The following HDX variants were observed in gnomAD, a reference collection of about 807,000 sequenced individuals.
The protein encoded by HDX is highly divergent homeobox.
A neutral mutation model predicts 45.2 loss-of-function variants in HDX; 19 were observed. The ratio of observed to expected loss-of-function variants is 0.42; its 90% CI spans 0.29 to 0.62. HDX has a LOEUF of 0.62. HDX is among the 20% of genes least tolerant of loss of function. The probability of loss-of-function intolerance (pLI) is 0.20; values close to 1 mark genes in which losing one functional copy is unlikely to be tolerated. For missense variants in HDX, 532 were observed against 493.9 expected (o/e 1.08, Z -0.73); for synonymous variants, 188 against 172.8 (o/e 1.09, Z -0.69).
chrX:84,380,203 T>A (rs1220462613), intron 5 of HDX, among the ~76,000 whole-genome samples: 1 of 106,787 alleles, frequency 9.4e-6, no homozygotes, highest in East Asian at 3.1e-4. Context: ...CAATAACAAG[T>A]AACGGGATCA....
At chrX:84,381,934 T>C (rs1215515632) in intron 5 of HDX, among the ~76,000 whole-genome samples, 1 of 110,984 alleles carries the variant, frequency 9.0e-6, no homozygotes, top group African/African-American at 3.3e-5. Flanking sequence ...GGAGCAAATA[T>C]TTGCAAATTG....
chrX:84,352,036 A>G (rs1478540477), intron 6 of HDX, among the ~76,000 whole-genome samples: 1 of 112,241 alleles, frequency 8.9e-6, no homozygotes, highest in Non-Finnish European at 1.9e-5. Context: ...TTTCAGCTGT[A>G]AATTTGATTA....
At chrX:84,414,310 G>A (rs1030438352) in intron 5 of HDX, among the ~76,000 whole-genome samples, 8 of 111,172 alleles carry the variant, frequency 7.2e-5, no homozygotes, top group African/African-American at 3.3e-5. Context: ...CCCAACATGC[G>A]CATTCCAGTG....
intron 6 of HDX, among the ~76,000 whole-genome samples, chrX:84,354,827 G>C (rs2037436122): frequency 9.6e-6 from 1 of 104,069 alleles, no homozygotes; most frequent in South Asian, 4.4e-4. Flanking sequence ...TTTTTAAGAA[G>C]TATCCAAGTT....
In HDX at chrX:84,478,800, A is replaced by C. The variant is rs780600861; in HGVS notation, c.1-3403T>G. On this transcript the variant is annotated intron_variant, in intron 2 of 10. Coordinates refer to ENST00000373177, the MANE Select transcript of HDX (RefSeq NM_001177479.2). ...CTTGAACCCAGGAGTTCGAGGTTAC[A>C]GTGAGCTATGACTGCACCATTGCAC... Among the ~76,000 whole-genome samples the C allele has an allele frequency of 1.8e-3, 198 of 111,215 alleles. 1 individual carries two copies. The highest frequency in any genetic ancestry group is 4.6e-3 in the Middle Eastern group (1 of 216).
At chrX:84,444,097 G>T (rs2039820604) in intron 4 of HDX, among the ~76,000 whole-genome samples, 1 of 110,928 alleles carries the variant, frequency 9.0e-6, no homozygotes, top group South Asian at 3.7e-4. Flanking sequence ...AATCTTAAAA[G>T]ATGTGTAGAA....
chrX:84,419,490 G>T (rs186539180), intron 5 of HDX, among the ~76,000 whole-genome samples: 9 of 111,911 alleles, frequency 8.0e-5, no homozygotes, highest in African/African-American at 2.9e-4. Flanking sequence ...CTGCATCTTG[G>T]TGTCTGAGTG....
rs1328279504 is a variant in HDX, at chrX:84,468,602, G to A, written c.1121C>T (p.Thr374Ile). Residue 374 changes from threonine (T) to isoleucine (I), a missense_variant, in exon 4 of 11, where the codon ACA (threonine) becomes ATA (isoleucine). Physicochemically the swap from Thr to Ile is moderately conservative, Grantham distance 89 (BLOSUM62 -1). Around this residue, in one of 3 missense-constraint regions of HDX, gnomAD observed 376 missense variants for 343.7 expected, o/e 1.09. Transcript: ENST00000373177. ...TGCTGTATGTAATGAGGTCCGTGGT[G>A]TCAAATGGTAGTTTCTGTTTTGATA... is the stretch of plus-strand genomic sequence containing the variant. ...VLYQNRNYHLTPRTSLHTASS... is the reference protein window; with the variant it reads ...VLYQNRNYHLIPRTSLHTASS... 8.3e-7 allele frequency: 1 copy of A among 1,203,625 alleles called. No individual in the cohort carries two copies. Among genetic ancestry groups the A allele is most frequent in the African/African-American group, 1.8e-5 (1 of 57,029 alleles).
chrX:84,407,654 T>A (rs770347634), intron 5 of HDX, among the ~76,000 whole-genome samples: 1 of 111,825 alleles, frequency 8.9e-6, no homozygotes, highest in Non-Finnish European at 1.9e-5. Context: ...CCACAATGGC[T>A]GAGCTAATTT....
intron 7 of HDX, among the ~76,000 whole-genome samples, chrX:84,343,656 A>C (rs1179326466): frequency 9.0e-6 from 1 of 111,281 alleles, no homozygotes; most frequent in Non-Finnish European, 1.9e-5. Context: ...ATATGTCAAA[A>C]GAGAATCCTA....
chrX:84,495,489 A>T (rs1297001098), intron 1 of HDX, among the ~76,000 whole-genome samples: 1 of 111,311 alleles, frequency 9.0e-6, no homozygotes, highest in Non-Finnish European at 1.9e-5. Context: ...ATAATGAAGG[A>T]TTATCCCCAC....
intron 5 of HDX, among the ~76,000 whole-genome samples, chrX:84,424,449 TAA>T (rs58576073): frequency 5.7e-5 from 6 of 105,805 alleles, no homozygotes; most frequent in Admixed American, 5.0e-4. Context: ...CACAGAAATT[TAA>T]AAAAAAAAAT....
At chrX:84,419,117 C>G (rs2039185917) in intron 5 of HDX, among the ~76,000 whole-genome samples, 1 of 107,908 alleles carries the variant, frequency 9.3e-6, no homozygotes, top group Non-Finnish European at 1.9e-5. Flanking sequence ...CCCTTGGGCC[C>G]TGAATAACAA....
At chrX:84,389,607 A>G (rs1257019588) in intron 5 of HDX, among the ~76,000 whole-genome samples, 3 of 111,560 alleles carry the variant, frequency 2.7e-5, no homozygotes, top group Non-Finnish European at 5.7e-5. Context: ...AGGTGGAGCA[A>G]TGCACTGAGG....
intron 4 of HDX, among the ~76,000 whole-genome samples, chrX:84,454,165 A>T (rs1167158005): frequency 9.0e-6 from 1 of 111,481 alleles, no homozygotes; most frequent in Non-Finnish European, 1.9e-5. Context: ...GGCATGGGGA[A>T]AGACACCTTC....
At chrX:84,423,282 A>G (rs1361967749) in intron 5 of HDX, among the ~76,000 whole-genome samples, 1 of 110,073 alleles carries the variant, frequency 9.1e-6, no homozygotes, top group East Asian at 2.8e-4. Flanking sequence ...CAAACAAACT[A>G]ACTAACAACA....
chrX:84,430,689 T>G (rs1602441734), intron 5 of HDX, among the ~76,000 whole-genome samples: 1 of 109,719 alleles, frequency 9.1e-6, no homozygotes, highest in South Asian at 3.8e-4. Context: ...TTGTGATTTT[T>G]TTTTTGGTCT....
chrX:84,357,777 C>G (rs2037522013), intron 6 of HDX, among the ~76,000 whole-genome samples: 1 of 112,319 alleles, frequency 8.9e-6, no homozygotes, highest in Non-Finnish European at 1.9e-5. Context: ...CACATGGTTG[C>G]TCACAGTAAA....
At chrX:84,445,555 A>T (rs759276045) in intron 4 of HDX, among the ~76,000 whole-genome samples, 25 of 111,088 alleles carry the variant, frequency 2.3e-4, no homozygotes, top group South Asian at 1.5e-3. Flanking sequence ...ATTTGCTGAA[A>T]TTTAACAAAA....
Sources: gnomAD v4.1 joint callset for allele counts (sites outside exome capture counted in the v4.1 genomes callset) on GRCh38, gnomAD v4.1.1 for gene constraint, gnomAD v4.1.1 regional missense constraint, MANE v1.5 for transcripts, NCBI Gene and HGNC (gene_info 2026-07-23, HGNC 2026-07-21) for gene names.